The following FAM13A variants were observed in gnomAD, a reference collection of about 807,000 sequenced individuals.
FAM13A encodes the protein family with sequence similarity 13 member A.
Under a neutral mutation model 129.6 loss-of-function variants are expected in FAM13A, and 76 were observed. The ratio of observed to expected loss-of-function variants is 0.59; its 90% CI spans 0.49 to 0.71. FAM13A has a LOEUF of 0.71. Among genes scored for constraint, FAM13A ranks in the 30% least tolerant of loss-of-function variants. FAM13A has a pLI of 0.00. For missense variants in FAM13A, 1,108 were observed against 1,249.3 expected (o/e 0.89, Z 1.70); for synonymous variants, 443 against 449.9 (o/e 0.98, Z 0.20).
chr4:88,878,433 T>A (rs1392852785), intron 6 of FAM13A, among the ~76,000 whole-genome samples: 1 of 152,066 alleles, frequency 6.6e-6, no homozygotes, highest in Admixed American at 6.6e-5. Context: ...TGGTAATGCA[T>A]TTTTTTCCTC....
intron 7 of FAM13A, among the ~76,000 whole-genome samples, chr4:88,820,406 T>C (rs984030796): frequency 6.6e-6 from 1 of 152,184 alleles, no homozygotes; most frequent in African/African-American, 2.4e-5. Context: ...GTGTCTTAAT[T>C]ACCTTAGGAT....
At chr4:88,905,892 G>A (rs1434410302) in intron 6 of FAM13A, among the ~76,000 whole-genome samples, 2 of 152,078 alleles carry the variant, frequency 1.3e-5, no homozygotes, top group Non-Finnish European at 1.5e-5. Flanking sequence ...AGATCCTCCC[G>A]CAACACTCCC....
intron 10 of FAM13A, among the ~76,000 whole-genome samples, chr4:88,781,858 G>T (rs189255233): frequency 6.7e-6 from 1 of 149,384 alleles, no homozygotes. Flanking sequence ...GGGGAGCGGG[G>T]AGGGATAGCA....
chr4:88,839,955 C>A (rs913879053), intron 7 of FAM13A, among the ~76,000 whole-genome samples: 2 of 152,058 alleles, frequency 1.3e-5, no homozygotes, highest in African/African-American at 4.8e-5. Context: ...GTAAAGATAG[C>A]GTTTAAAATC....
At chr4:88,755,685 A>C (rs1365384588) in intron 14 of FAM13A, among the ~76,000 whole-genome samples, 1 of 147,598 alleles carries the variant, frequency 6.8e-6, no homozygotes, top group African/African-American at 2.5e-5. Flanking sequence ...GGAAGGTTCA[A>C]GTGGAATATC....
chr4:88,916,742 G>C (rs1168283710), intron 5 of FAM13A, among the ~76,000 whole-genome samples: 1 of 152,052 alleles, frequency 6.6e-6, no homozygotes, highest in Non-Finnish European at 1.5e-5. Flanking sequence ...ATGCTACCTA[G>C]CCTAGGGGCC....
intron 7 of FAM13A, among the ~76,000 whole-genome samples, chr4:88,846,593 T>G (rs911834336): frequency 2.0e-5 from 3 of 152,260 alleles, no homozygotes; most frequent in Non-Finnish European, 4.4e-5. Flanking sequence ...ATTTTAGCAT[T>G]TCGTAATCAA....
At chr4:88,798,957 G>A (rs147021855) in intron 8 of FAM13A, among the ~76,000 whole-genome samples, 208 of 152,178 alleles carry the variant, frequency 1.4e-3, no homozygotes, top group African/African-American at 4.7e-3. Flanking sequence ...GTATAAAGAG[G>A]TAAAAATATG....
At chr4:88,907,533 T>C (rs1163636433) in intron 5 of FAM13A, among the ~76,000 whole-genome samples, 1 of 152,228 alleles carries the variant, frequency 6.6e-6, no homozygotes, top group Non-Finnish European at 1.5e-5. Context: ...CAACACTACT[T>C]ATTATTAATA....
At chr4:88,776,288 T>C (rs1721696980) in intron 11 of FAM13A, among the ~76,000 whole-genome samples, 1 of 152,172 alleles carries the variant, frequency 6.6e-6, no homozygotes, top group Non-Finnish European at 1.5e-5. Flanking sequence ...ACTGTAGATA[T>C]TGCTTCATAA....
At chr4:88,855,219 CTTT>C (rs753620448) in intron 6 of FAM13A, 1 of 151,984 alleles carries the variant, frequency 6.6e-6, no homozygotes, top group East Asian at 1.9e-4. Flanking sequence ...CAACGATTTT[CTTT>C]TTTCTTTTTT....
chr4:88,809,716 CAT>C (rs754199873), intron 7 of FAM13A, among the ~76,000 whole-genome samples: 1 of 152,032 alleles, frequency 6.6e-6, no homozygotes, highest in Non-Finnish European at 1.5e-5. Context: ...AAGTGCAACA[CAT>C]GTACTTGAGC....
At chr4:88,824,890 T>G (rs1732704101) in intron 7 of FAM13A, among the ~76,000 whole-genome samples, 1 of 151,972 alleles carries the variant, frequency 6.6e-6, no homozygotes, top group Non-Finnish European at 1.5e-5. Flanking sequence ...GTGGTTTTAG[T>G]AGAGATGGGG....
chr4:88,794,377 T>C (rs960614767), intron 8 of FAM13A, among the ~76,000 whole-genome samples: 1 of 151,422 alleles, frequency 6.6e-6, no homozygotes, highest in Non-Finnish European at 1.5e-5. Context: ...ATCTTTAGTC[T>C]TTATTTTTAC....
At chr4:88,977,983 C>A (rs142407325) in intron 4 of FAM13A, among the ~76,000 whole-genome samples, 92 of 152,098 alleles carry the variant, frequency 6.0e-4, no homozygotes, top group African/African-American at 2.1e-3. Flanking sequence ...TCACCTGAAC[C>A]CAAGGAATAA....
intron 4 of FAM13A, among the ~76,000 whole-genome samples, chr4:88,960,773 G>A (rs934432428): frequency 6.6e-6 from 1 of 152,170 alleles, no homozygotes; most frequent in Non-Finnish European, 1.5e-5. Context: ...TAGATTTACA[G>A]GAAGCAGCTT....
At chr4:88,887,273 A>G (rs1744579664) in intron 6 of FAM13A, among the ~76,000 whole-genome samples, 1 of 152,200 alleles carries the variant, frequency 6.6e-6, no homozygotes, top group African/African-American at 2.4e-5. Context: ...CTGTTCCCCC[A>G]AAAACCTATT....
intron 6 of FAM13A, among the ~76,000 whole-genome samples, chr4:88,874,671 C>T (rs192584498): frequency 6.6e-6 from 1 of 152,340 alleles, no homozygotes; most frequent in African/African-American, 2.4e-5. Flanking sequence ...ACATTCCATG[C>T]TCATGCATAG....
intron 3 of FAM13A, chr4:89,009,181 C>A (rs2149079487): frequency 6.6e-6 from 1 of 152,248 alleles, no homozygotes; most frequent in East Asian, 1.9e-4. Context: ...TTAATTAAAA[C>A]TAAAAGCTGT....
Sources: allele counts gnomAD v4.1 joint callset (sites outside exome capture counted in the v4.1 genomes callset), GRCh38; gene constraint gnomAD v4.1.1; transcripts MANE v1.5; gene names NCBI Gene and HGNC (gene_info 2026-07-23, HGNC 2026-07-21).